Variants in GSTK1 observed in about 807,000 individuals in gnomAD.
GSTK1 encodes the protein GST class-kappa.
In GSTK1, 25 loss-of-function variants were observed where a neutral mutation model predicts 30.9. That is an observed-to-expected ratio of 0.81 (90% confidence interval 0.59 to 1.13). The LOEUF (loss-of-function observed/expected upper bound fraction) is 1.13. Among genes scored for constraint, GSTK1 ranks in the 50% most tolerant of loss-of-function variants. GSTK1 has a pLI of 0.00. For missense variants in GSTK1, 292 were observed against 292.4 expected (o/e 1.00, Z 0.01); for synonymous variants, 108 against 112.5 (o/e 0.96, Z 0.25).
At chr7:143,263,957 T>A (rs1347314064) in intron 1 of GSTK1, 129 bp from the exon 2 acceptor site, 1 of 780,162 alleles carries the variant, frequency 1.3e-6, no homozygotes, top group African/African-American at 1.7e-5. Context: ...GTTTTGCCAA[T>A]TTCAAACCAA....
intron 3 of GSTK1, 79 bp from the exon 4 acceptor site, chr7:143,264,913 G>A: frequency 2.0e-6 from 3 of 1,484,026 alleles, no homozygotes; most frequent in South Asian, 1.2e-5. Flanking sequence ...TCTGGGGGAT[G>A]TCAGAAGCAA....
rs949208708 is a variant in GSTK1 at position 143,267,625 on chromosome 7, G to A, written c.429G>A (p.Glu143=). Residue 143 remains glutamate, a synonymous_variant, in exon 6 of 8, where the codon GAG becomes GAA. Transcript: ENST00000358406. ...CTACTATATTCCCTTAGGCTGCAGA[G>A]AAGGCTGGTATGTCTGCAGAACAAG... The part of the protein sequence containing the change: ...TEPQSILAAA[E]KAGMSAEQAQ... 1.2e-6 allele frequency: 2 copies of A among 1,611,874 alleles called. No individual in the cohort carries two copies. Among genetic ancestry groups the A allele is most frequent in the African/African-American group, 1.3e-5 (1 of 74,882 alleles).
In GSTK1 at chr7:143,264,691, A is replaced by G; in HGVS notation, c.283+15A>G. ...GCTTGAAAAAGGTGAAGAGAGTGGG[A>G]TGTAGACAGGGTATCCAGTGAAAAA... On this transcript the variant is annotated intron_variant, in intron 3 of 7. Transcript: ENST00000358406. The G allele has an allele frequency of 1.2e-6, 2 of 1,613,842 alleles. No individual in the cohort carries two copies. Among genetic ancestry groups the G allele is most frequent in the Non-Finnish European group, 1.7e-6 (2 of 1,179,918 alleles).
chr7:143,265,921 G>A (rs1290308523), intron 5 of GSTK1, among the ~76,000 whole-genome samples: 3 of 150,892 alleles, frequency 2.0e-5, no homozygotes, highest in African/African-American at 4.9e-5. Flanking sequence ...AAAGTTAAAC[G>A]TATAAGGAAT....
intron 5 of GSTK1, 78 bp downstream of exon 5, chr7:143,265,374 T>G: frequency 8.1e-7 from 1 of 1,232,534 alleles, no homozygotes; most frequent in South Asian, 1.5e-5. Context: ...AAGAAGACAA[T>G]AGGTCTCTTA....
At chr7:143,264,328 CAGCTACTCGGG>C in intron 2 of GSTK1, 161 bp downstream of exon 2, 1 of 767,102 alleles carries the variant, frequency 1.3e-6, no homozygotes. Context: ...CTGTATACCA[CAGCTACTCGGG>C]AGGCTGAGGC....
At chr7:143,264,905 T>A (rs1452181759) in intron 3 of GSTK1, 87 bp from the exon 4 acceptor site, 4 of 1,438,566 alleles carry the variant, frequency 2.8e-6, no homozygotes, top group Non-Finnish European at 3.8e-6. Context: ...GGAGGAGCTC[T>A]GGGGGATGTC....
chr7:143,265,353 G>A (rs1348959115), intron 5 of GSTK1, 57 bp downstream of exon 5: 17 of 1,440,802 alleles, frequency 1.2e-5, no homozygotes, highest in East Asian at 7.4e-5. Flanking sequence ...AACAGTTGGC[G>A]TTTGGGGGTA....
In GSTK1 at chr7:143,265,299, G is replaced by A; in HGVS notation, c.420+3G>A. ...CCGAGCCGCAGAGCATCCTGGCGGT[G>A]AGTGTCCTGGCTCCACCCCAACTGC... On this transcript the variant is annotated splice_donor_region_variant and intron_variant, in intron 5 of 7. Coordinates refer to ENST00000358406, the MANE Select transcript of GSTK1 (RefSeq NM_015917.3). 1 of 1,596,662 alleles carries A rather than the reference G, an allele frequency of 6.3e-7. No individual in the cohort carries two copies.
intron 5 of GSTK1, among the ~76,000 whole-genome samples, chr7:143,265,627 A>G (rs1454423982): frequency 6.6e-6 from 1 of 152,204 alleles, no homozygotes. Flanking sequence ...ACAAACTCCA[A>G]CACAAACCTC....
chr7:143,266,489 A>G (rs914407072), intron 5 of GSTK1, among the ~76,000 whole-genome samples: 1 of 152,076 alleles, frequency 6.6e-6, no homozygotes, highest in Non-Finnish European at 1.5e-5. Flanking sequence ...GTGTCTCATT[A>G]GGACAGGCTA....
Position 143,268,906 on chromosome 7 carries a change from A to G in GSTK1, c.*69A>G. The G allele has an allele frequency of 7.6e-7, 1 of 1,316,554 alleles. No individual in the cohort carries two copies. Among genetic ancestry groups the G allele is most frequent in the Middle Eastern group, 1.8e-4 (1 of 5,462 alleles). The allele number at this position is 1,316,554 out of a possible 1,614,324, so 81.6% of individuals were successfully genotyped here. ...CATCTGCTTAACCCTTGGCTCCACCATAAGGCACTGGGACTCGGATTTCTC... is the reference window on the plus strand; with the variant it reads ...CATCTGCTTAACCCTTGGCTCCACCGTAAGGCACTGGGACTCGGATTTCTC... On this transcript the variant is annotated 3_prime_UTR_variant, in exon 8 of 8. Coordinates refer to ENST00000358406, the MANE Select transcript of GSTK1 (RefSeq NM_015917.3). The surrounding 1 kb of genome is among the most constrained non-coding windows in gnomAD (Gnocchi z 4.1).
Position 143,268,019 on chromosome 7 carries a change from C to A in GSTK1, c.538-72C>A. 8.5e-7 allele frequency: 1 copy of A among 1,180,272 alleles called. No homozygotes were observed. The highest frequency in any genetic ancestry group is 1.2e-6 in the Non-Finnish European group (1 of 811,926). The allele number at this position is 1,180,272 out of a possible 1,614,324, so 73.1% of individuals were successfully genotyped here. ...TTCTGTGAACTCAGAAAAGTACTGA[C>A]TCAAAGGTTTCAACCCCTGCCTAAT... is the stretch of plus-strand genomic sequence containing the variant. On this transcript the variant is annotated intron_variant, in intron 6 of 7. Transcript: ENST00000358406. The surrounding 1 kb of genome is among the most constrained non-coding windows in gnomAD (Gnocchi z 4.1).
In GSTK1 at chr7:143,268,852, A is replaced by G. The variant is rs774643315; in HGVS notation, c.*15A>G. On this transcript the variant is annotated 3_prime_UTR_variant, in exon 8 of 8. Coordinates refer to ENST00000358406, the MANE Select transcript of GSTK1 (RefSeq NM_015917.3). The surrounding 1 kb of genome is among the most constrained non-coding windows in gnomAD (Gnocchi z 4.1). ...CCAGACTTTAAGATTGCCCGGAGGA[A>G]GCAAACTCTTCGTATAAAAAAAGCA... 2 of 1,612,578 alleles carry G rather than the reference A, an allele frequency of 1.2e-6. No homozygotes were observed. The highest frequency in any genetic ancestry group is 2.2e-5 in the South Asian group (2 of 91,046).
intron 5 of GSTK1, 62 bp downstream of exon 5, chr7:143,265,358 G>C (rs1800846052): frequency 1.4e-6 from 2 of 1,418,880 alleles, no homozygotes; most frequent in Non-Finnish European, 9.5e-7. Context: ...TTGGCGTTTG[G>C]GGGTAAAGAA....
At chr7:143,266,297 C>T (rs917679977) in intron 5 of GSTK1, among the ~76,000 whole-genome samples, 17 of 152,054 alleles carry the variant, frequency 1.1e-4, no homozygotes, top group Non-Finnish European at 2.9e-5. Context: ...TCCCAAAGTG[C>T]TGTGTTTACA....
chr7:143,265,355 T>C (rs1800845882), intron 5 of GSTK1, 59 bp downstream of exon 5: 3 of 1,437,202 alleles, frequency 2.1e-6, no homozygotes, highest in Non-Finnish European at 2.8e-6. Flanking sequence ...CAGTTGGCGT[T>C]TGGGGGTAAA....
In GSTK1 at chr7:143,269,109, C is replaced by G. The variant is rs1264340347; in HGVS notation, c.*272C>G. 1 of 493,076 alleles carries G rather than the reference C, an allele frequency of 2.0e-6. No homozygotes were observed. The highest frequency in any genetic ancestry group is 3.7e-6 in the Non-Finnish European group (1 of 270,226). 30.5% of individuals were successfully genotyped at this position (493,076 alleles called of 1,614,324 possible). On this transcript the variant is annotated 3_prime_UTR_variant, in exon 8 of 8. Coordinates refer to ENST00000358406, the MANE Select transcript of GSTK1 (RefSeq NM_015917.3). ...ACAAAATAAACCTAATGCCATCAGG[C>G]AAAACATTTCTGTGTCTGTATCTGC...
At chr7:143,265,934 C>A (rs889615962) in intron 5 of GSTK1, among the ~76,000 whole-genome samples, 3 of 150,386 alleles carry the variant, frequency 2.0e-5, no homozygotes, top group Non-Finnish European at 4.4e-5. Context: ...TAAGGAATGG[C>A]AAATATATCT....
Sources: allele counts gnomAD v4.1 joint callset (sites outside exome capture counted in the v4.1 genomes callset), GRCh38; gene constraint gnomAD v4.1.1; non-coding constraint Gnocchi (gnomAD v3.1); transcripts MANE v1.5; gene names NCBI Gene and HGNC (gene_info 2026-07-23, HGNC 2026-07-21).